SLC17A3: variants seen among roughly 807,000 people sequenced by gnomAD.
SLC17A3 encodes sodium-dependent phosphate transport protein 4.
SLC17A3 carries 61 observed loss-of-function variants against 60.3 expected under a neutral mutation model. The observed-to-expected ratio is 1.01, with a 90% confidence interval of 0.82 to 1.25. The LOEUF (loss-of-function observed/expected upper bound fraction) is 1.25, where lower values mean the gene tolerates loss of function less well. SLC17A3 is among the 50% of genes most tolerant of loss of function. SLC17A3 has a pLI of 0.00. For missense variants in SLC17A3, 624 were observed against 594.9 expected (o/e 1.05, Z -0.51); for synonymous variants, 192 against 208.9 (o/e 0.92, Z 0.70).
intron 1 of SLC17A3, among the ~76,000 whole-genome samples, chr6:25,868,760 TAAC>T (rs1765582007): frequency 6.6e-6 from 1 of 151,996 alleles, no homozygotes; most frequent in Non-Finnish European, 1.5e-5. Context: ...CTGTTGTTAA[TAAC>T]AACAACATCT....
intron 6 of SLC17A3, among the ~76,000 whole-genome samples, chr6:25,851,847 T>C (rs764799850): frequency 7.9e-5 from 12 of 152,160 alleles, no homozygotes; most frequent in Non-Finnish European, 1.2e-4. Flanking sequence ...AACTTTGTAA[T>C]TTATTTTCAA....
chr6:25,864,115 C>T (rs1445269652), intron 2 of SLC17A3, among the ~76,000 whole-genome samples: 1 of 151,856 alleles, frequency 6.6e-6, no homozygotes, highest in Non-Finnish European at 1.5e-5. Flanking sequence ...AGGGAACACC[C>T]CTGGAGCTGG....
chr6:25,870,325 A>G (rs1269417872), intron 1 of SLC17A3, among the ~76,000 whole-genome samples: 2 of 151,972 alleles, frequency 1.3e-5, no homozygotes, highest in African/African-American at 2.4e-5. Context: ...AGCTGGGTCA[A>G]CCTGCATTGT....
In SLC17A3 at chr6:25,844,915, C is replaced by A. The variant is rs1437795070; in HGVS notation, c.*386G>T. ...GAAGAACACATGGACAATACTCAAC[C>A]CAATAAATAGAAAGTAATATTAATT... On this transcript the variant is annotated 3_prime_UTR_variant, in exon 13 of 13. Transcript: ENST00000397060. 7 of 189,154 alleles carry A rather than the reference C, an allele frequency of 3.7e-5. No homozygotes were observed. Among genetic ancestry groups the A allele is most frequent in the Non-Finnish European group, 6.7e-5 (6 of 90,134 alleles). The allele number at this position is 189,154 out of a possible 1,614,324, so 11.7% of individuals were successfully genotyped here.
At chr6:25,871,256 C>T (rs1034116127) in intron 1 of SLC17A3, among the ~76,000 whole-genome samples, 1 of 151,916 alleles carries the variant, frequency 6.6e-6, no homozygotes, top group Admixed American at 6.6e-5. Flanking sequence ...CCAACAATGA[C>T]AGACTGGATT....
chr6:25,853,848 T>C (rs1424726416), intron 6 of SLC17A3, among the ~76,000 whole-genome samples: 1 of 152,220 alleles, frequency 6.6e-6, no homozygotes, highest in Non-Finnish European at 1.5e-5. Context: ...TATAAGCATT[T>C]AATGTTAAAA....
At chr6:25,862,156 C>T (rs1202484592) in intron 3 of SLC17A3, 77 bp downstream of exon 3, 1 of 1,447,958 alleles carries the variant, frequency 6.9e-7, no homozygotes, top group African/African-American at 1.4e-5. Context: ...TTTAAACATA[C>T]ATACTCTAGA....
At chr6:25,859,630 T>G (rs1192362037) in intron 5 of SLC17A3, among the ~76,000 whole-genome samples, 1 of 152,188 alleles carries the variant, frequency 6.6e-6, no homozygotes, top group Non-Finnish European at 1.5e-5. Flanking sequence ...CTCATCCTTG[T>G]GTTTTTCCCA....
At chr6:25,858,177 A>AAAAAC (rs879833113) in intron 5 of SLC17A3, among the ~76,000 whole-genome samples, 45 of 143,220 alleles carry the variant, frequency 3.1e-4, no homozygotes, top group Middle Eastern at 7.1e-3. Context: ...GGCTCATGAT[A>AAAAAC]AAAACAAAAC....
intron 11 of SLC17A3, among the ~76,000 whole-genome samples, chr6:25,846,065 C>T (rs1765169274): frequency 6.6e-6 from 1 of 152,118 alleles, no homozygotes. Flanking sequence ...TTAATGTTTG[C>T]TTTCATTATC....
intron 2 of SLC17A3, 67 bp from the exon 3 acceptor site, chr6:25,862,511 A>G: frequency 2.3e-6 from 3 of 1,287,568 alleles, no homozygotes; most frequent in South Asian, 1.2e-5. Flanking sequence ...TTCACAAGAT[A>G]TGATTTAAAA....
intron 3 of SLC17A3, 25 bp from the exon 4 acceptor site, chr6:25,862,054 G>A: frequency 6.4e-7 from 1 of 1,553,362 alleles, no homozygotes; most frequent in Non-Finnish European, 8.8e-7. Context: ...GAATGCTGTA[G>A]TAAACCTTAC....
At chr6:25,847,312 T>C (rs1213825637) in intron 11 of SLC17A3, among the ~76,000 whole-genome samples, 2 of 152,226 alleles carry the variant, frequency 1.3e-5, no homozygotes, top group South Asian at 2.1e-4. Context: ...CAATCTGTCA[T>C]TGATGGGCAT....
chr6:25,863,493 C>A (rs1156875051), intron 2 of SLC17A3, among the ~76,000 whole-genome samples: 1 of 152,084 alleles, frequency 6.6e-6, no homozygotes, highest in African/African-American at 2.4e-5. Flanking sequence ...TCTCTCCAAC[C>A]CTTTCACTTT....
At chr6:25,865,300 A>G (rs1285829916) in intron 2 of SLC17A3, among the ~76,000 whole-genome samples, 2 of 151,956 alleles carry the variant, frequency 1.3e-5, no homozygotes, top group Admixed American at 6.6e-5. Flanking sequence ...ATGTGGGATA[A>G]AGAGGTGCCT....
intron 8 of SLC17A3, 81 bp downstream of exon 8, chr6:25,850,378 C>A (rs756740616): frequency 6.8e-7 from 1 of 1,472,094 alleles, no homozygotes; most frequent in Non-Finnish European, 9.5e-7. Flanking sequence ...AAATACATTT[C>A]TCAGATGGAA....
At chr6:25,846,037 T>G (rs1306830693) in intron 11 of SLC17A3, among the ~76,000 whole-genome samples, 1 of 152,228 alleles carries the variant, frequency 6.6e-6, no homozygotes, top group East Asian at 1.9e-4. Flanking sequence ...ATGAAATACC[T>G]ATGCATACAT....
At chr6:25,863,811 G>C (rs1293426461) in intron 2 of SLC17A3, among the ~76,000 whole-genome samples, 1 of 151,926 alleles carries the variant, frequency 6.6e-6, no homozygotes, top group Non-Finnish European at 1.5e-5. Context: ...TCTAGGCCAC[G>C]TCCTCCAGTC....
chr6:25,866,092 G>A (rs769264984), intron 2 of SLC17A3, among the ~76,000 whole-genome samples: 13 of 151,870 alleles, frequency 8.6e-5, no homozygotes, highest in Non-Finnish European at 1.3e-4. Context: ...CCCTTGTATG[G>A]GGCCAGGACC....
Sources: allele counts gnomAD v4.1 joint callset (sites outside exome capture counted in the v4.1 genomes callset), GRCh38; gene constraint gnomAD v4.1.1; transcripts MANE v1.5; gene names NCBI Gene and HGNC (gene_info 2026-07-23, HGNC 2026-07-21).